The following SS18 variants were observed in gnomAD, a reference collection of about 807,000 sequenced individuals.
The protein encoded by SS18 is protein SSXT.
A neutral mutation model predicts 72.5 loss-of-function variants in SS18; 28 were observed. The ratio of observed to expected loss-of-function variants is 0.39; its 90% CI spans 0.29 to 0.53. The LOEUF (loss-of-function observed/expected upper bound fraction) is 0.53. Ranked by LOEUF, SS18 falls within the 20% of genes least tolerant of loss-of-function variation. The probability of loss-of-function intolerance (pLI) is 0.76; values close to 1 mark genes in which losing one functional copy is unlikely to be tolerated. For missense variants in SS18, 518 were observed against 535.3 expected (o/e 0.97, Z 0.32); for synonymous variants, 172 against 164.2 (o/e 1.05, Z -0.37).
chr18:26,090,279 A>G, intron 1 of SS18: 1 of 564,538 alleles, frequency 1.8e-6, no homozygotes, highest in Non-Finnish European at 3.1e-6. Flanking sequence ...TTGTGTCTGT[A>G]GAAAAACGCG....
At chr18:26,069,587 T>A (rs1380801585) in intron 3 of SS18, among the ~76,000 whole-genome samples, 2 of 151,778 alleles carry the variant, frequency 1.3e-5, no homozygotes, top group East Asian at 1.9e-4. Flanking sequence ...TTACTGGAAG[T>A]TTTTTAAAGT....
chr18:26,060,014 G>T (rs772215339), intron 3 of SS18, among the ~76,000 whole-genome samples: 1 of 152,204 alleles, frequency 6.6e-6, no homozygotes, highest in Non-Finnish European at 1.5e-5. Context: ...AACTTAAACA[G>T]TTACCATATG....
At position 26,040,274 on chromosome 18, in the gene SS18, A is replaced by T. The variant is rs79742297; in HGVS notation, c.608-818T>A. 4.1e-3 allele frequency among the ~76,000 whole-genome samples: 625 copies of T among 152,332 alleles called. 5 individuals carry two copies. Among genetic ancestry groups the T allele is most frequent in the African/African-American group, 0.014 (602 of 41,572 alleles). On this transcript the variant is annotated intron_variant, in intron 5 of 10. Transcript: ENST00000415083. ...ACTGGCAACAGTAAAAATGTATCAC[A>T]GGAAACAATAAACAATGGCCATAAA...
intron 10 of SS18, among the ~76,000 whole-genome samples, chr18:26,021,763 C>G (rs932500829): frequency 1.2e-4 from 19 of 152,162 alleles, no homozygotes; most frequent in Admixed American, 1.2e-3. Flanking sequence ...CAAACAGGCA[C>G]TTGGCAATCT....
At chr18:26,030,044 G>A (rs2053517931) in intron 10 of SS18, among the ~76,000 whole-genome samples, 1 of 152,148 alleles carries the variant, frequency 6.6e-6, no homozygotes, top group Admixed American at 6.5e-5. Flanking sequence ...GAATAATTAT[G>A]ATGATAAAAG....
chr18:26,026,307 A>G (rs1163516029), intron 10 of SS18, among the ~76,000 whole-genome samples: 2 of 152,214 alleles, frequency 1.3e-5, no homozygotes, highest in Non-Finnish European at 2.9e-5. Flanking sequence ...ATATATCATG[A>G]CCAAATAGAT....
In SS18 at chr18:26,076,271, GA is replaced by G. The variant is rs1002567461; in HGVS notation, c.231+1804del. ...AGAACCAACAGCCAAGATATTCTTG[GA>G]AAAAAAAAAAAGGAATAAGATTAAG... On this transcript the variant is annotated intron_variant, in intron 3 of 10. Transcript: ENST00000415083. 3.0e-3 allele frequency among the ~76,000 whole-genome samples: 422 copies of G among 138,640 alleles called. 1 individual carries two copies. The highest frequency in any genetic ancestry group is 6.9e-3 in the East Asian group (34 of 4,910). The allele number at this position is 138,640 out of a possible 152,430, so 91.0% of individuals were successfully genotyped here. A position where few individuals can be genotyped will look rare whatever the true frequency, so the allele number is the denominator to read the frequency against.
At position 26,047,613 on chromosome 18, in the gene SS18, G is replaced by A. The variant is rs148500260; in HGVS notation, c.607+5011C>T. ...TCCCAGCACTTTGGGAGGCCAAGGC[G>A]GGCAGATCACAAGGTCAGGAGATTG... On this transcript the variant is annotated intron_variant, in intron 5 of 10. Coordinates refer to ENST00000415083, the MANE Select transcript of SS18 (RefSeq NM_001007559.3). Among the ~76,000 whole-genome samples the A allele has an allele frequency of 3.8e-3, 574 of 152,204 alleles. 4 individuals carry two copies. Among genetic ancestry groups the A allele is most frequent in the African/African-American group, 0.013 (529 of 41,534 alleles).
intron 3 of SS18, among the ~76,000 whole-genome samples, chr18:26,076,271 G>GAAAAAA (rs1002567461): frequency 1.4e-5 from 2 of 138,846 alleles, no homozygotes; most frequent in African/African-American, 5.3e-5. Context: ...GATATTCTTG[G>GAAAAAA]AAAAAAAAAA....
intron 3 of SS18, among the ~76,000 whole-genome samples, chr18:26,072,526 A>G (rs2054329953): frequency 6.6e-6 from 1 of 152,116 alleles, no homozygotes; most frequent in Non-Finnish European, 1.5e-5. Context: ...GATAATTCAC[A>G]ATGATGTTGC....
chr18:26,053,800 T>C (rs1038127834), intron 4 of SS18, among the ~76,000 whole-genome samples: 6 of 152,222 alleles, frequency 3.9e-5, no homozygotes, highest in Non-Finnish European at 7.3e-5. Context: ...AAGTTCGATC[T>C]AACTATATTG....
At chr18:26,078,328 T>C (rs1330665055) in intron 2 of SS18, 168 bp from the exon 3 acceptor site, 3 of 514,536 alleles carry the variant, frequency 5.8e-6, no homozygotes, top group Non-Finnish European at 1.0e-5. Context: ...AATAAATATT[T>C]AAATATAATG....
intron 5 of SS18, among the ~76,000 whole-genome samples, chr18:26,040,972 G>C (rs112155123): frequency 3.5e-4 from 53 of 152,138 alleles, no homozygotes; most frequent in African/African-American, 1.2e-3. Context: ...AATTACCAGA[G>C]GTAAGGACCC....
chr18:26,039,517 G>T, intron 5 of SS18, 61 bp from the exon 6 acceptor site: 6 of 1,431,928 alleles, frequency 4.2e-6, no homozygotes, highest in Non-Finnish European at 4.7e-6. Context: ...CATCTCAAGA[G>T]AAATAAGATA....
upstream of SS18, chr18:26,090,630 G>A (rs1042207834): frequency 9.9e-6 from 15 of 1,508,290 alleles, no homozygotes; most frequent in Admixed American, 2.0e-5. Context: ...CAAACTGGGG[G>A]AGAGACGCCG....
chr18:26,035,808 T>A lies in SS18; in HGVS notation c.973+23A>T. ...CTGTAGAAGGGGATATATATGTGTA[T>A]GTGTGTGAAGGTATATAGATACCTC... On this transcript the variant is annotated intron_variant, in intron 8 of 10. Coordinates refer to ENST00000415083, the MANE Select transcript of SS18 (RefSeq NM_001007559.3). This position sits in a 1 kb window ranked among gnomAD's most constrained non-coding sequence, Gnocchi z 4.4. 6.7e-7 allele frequency: 1 copy of A among 1,492,044 alleles called. No individual in the cohort carries two copies. 92.4% of individuals were successfully genotyped at this position (1,492,044 alleles called of 1,614,324 possible).
In SS18 at chr18:26,035,766, T is replaced by C. The variant is rs917141599; in HGVS notation, c.973+65A>G. ...CTTTGCATGGGTAGAAGTTGTCTTA[T>C]GCAAGAATTTTCATTCCTGTAGAAG... On this transcript the variant is annotated intron_variant, in intron 8 of 10. Transcript: ENST00000415083. The surrounding 1 kb of genome is among the most constrained non-coding windows in gnomAD (Gnocchi z 4.4). 5 of 1,169,416 alleles carry C rather than the reference T, an allele frequency of 4.3e-6. No individual in the cohort carries two copies. The highest frequency in any genetic ancestry group is 6.0e-6 in the Non-Finnish European group (5 of 831,968). The allele number at this position is 1,169,416 out of a possible 1,614,324, so 72.4% of individuals were successfully genotyped here.
intron 5 of SS18, among the ~76,000 whole-genome samples, chr18:26,043,364 C>A (rs911875091): frequency 2.6e-5 from 4 of 152,092 alleles, no homozygotes; most frequent in African/African-American, 9.7e-5. Context: ...TAAGAAATTT[C>A]TTCACCCCAC....
At chr18:26,087,706 C>A in intron 1 of SS18, 129 bp from the exon 2 acceptor site, 1 of 535,276 alleles carries the variant, frequency 1.9e-6, no homozygotes, top group South Asian at 3.0e-5. Context: ...TATCCCTTAA[C>A]AAAATACTGT....
Sources: gnomAD v4.1 joint callset for allele counts (sites outside exome capture counted in the v4.1 genomes callset) on GRCh38, gnomAD v4.1.1 for gene constraint, Gnocchi (gnomAD v3.1) non-coding constraint, MANE v1.5 for transcripts, NCBI Gene and HGNC (gene_info 2026-07-23, HGNC 2026-07-21) for gene names.